JAZF1: variants seen among roughly 807,000 people sequenced by gnomAD.
The protein encoded by JAZF1 is juxtaposed with another zinc finger protein 1.
JAZF1 carries 8 observed loss-of-function variants against 26.4 expected under a neutral mutation model. The ratio of observed to expected loss-of-function variants is 0.30; its 90% CI spans 0.18 to 0.55. The LOEUF is 0.55. Among genes scored for constraint, JAZF1 ranks in the 20% least tolerant of loss-of-function variants. JAZF1 has a pLI of 0.94. For synonymous variants in JAZF1, 126 were observed against 122.3 expected (o/e 1.03, Z -0.20); for missense variants, 199 against 322.0 (o/e 0.62, Z 2.92).
chr7:27,972,306 C>T (rs1392267197), intron 2 of JAZF1, among the ~76,000 whole-genome samples: 1 of 152,218 alleles, frequency 6.6e-6, no homozygotes, highest in Non-Finnish European at 1.5e-5. Context: ...AGGACATGAA[C>T]TGTGTAAAGC....
chr7:28,134,829 T>C (rs1310124710), intron 1 of JAZF1, among the ~76,000 whole-genome samples: 1 of 152,216 alleles, frequency 6.6e-6, no homozygotes, highest in Non-Finnish European at 1.5e-5. Context: ...ATCTTCTATT[T>C]TGTATTAAGG....
At chr7:27,985,629 A>G (rs1047029122) in intron 2 of JAZF1, among the ~76,000 whole-genome samples, 4 of 152,228 alleles carry the variant, frequency 2.6e-5, no homozygotes, top group Non-Finnish European at 5.9e-5. Context: ...CTGATATCAA[A>G]GCCTGGCAGA....
intron 1 of JAZF1, among the ~76,000 whole-genome samples, chr7:28,168,974 T>C (rs545295461): frequency 2.6e-4 from 39 of 152,318 alleles, no homozygotes; most frequent in Admixed American, 7.2e-4. Context: ...ACCCAAGTGA[T>C]TGTGAATGGC....
intron 1 of JAZF1, among the ~76,000 whole-genome samples, chr7:28,152,675 C>T (rs541571649): frequency 1.3e-5 from 2 of 152,182 alleles, no homozygotes; most frequent in South Asian, 4.2e-4. Flanking sequence ...TCAGGAAATA[C>T]AAGAATAGTA....
In JAZF1 at chr7:28,012,751, G is replaced by A. The variant is rs76159040; in HGVS notation, c.116-20770C>T. ...ACCCACCACTACTGAGGGTTGAGAT[G>A]TGGACAGAGGTTGATGGACATGCAT... On this transcript the variant is annotated intron_variant, in intron 1 of 4. Coordinates refer to ENST00000283928, the MANE Select transcript of JAZF1 (RefSeq NM_175061.4). Among the ~76,000 whole-genome samples, 59 of 152,346 alleles carry A rather than the reference G, an allele frequency of 3.9e-4. No homozygotes were observed. In the East Asian group the frequency reaches 0.011, roughly 28 times the overall value.
chr7:27,988,266 G>T (rs960778767), intron 2 of JAZF1, among the ~76,000 whole-genome samples: 30 of 151,646 alleles, frequency 2.0e-4, no homozygotes, highest in African/African-American at 7.3e-4. Flanking sequence ...AATCCCTGTT[G>T]GATATTTAGG....
chr7:27,953,424 T>C (rs1342012908), intron 2 of JAZF1, among the ~76,000 whole-genome samples: 1 of 152,270 alleles, frequency 6.6e-6, no homozygotes, highest in Non-Finnish European at 1.5e-5. Context: ...AAATGTGCCA[T>C]ATTAGTTACC....
intron 3 of JAZF1, among the ~76,000 whole-genome samples, chr7:27,882,310 T>G (rs1349129342): frequency 6.6e-6 from 1 of 152,000 alleles, no homozygotes; most frequent in Non-Finnish European, 1.5e-5. Flanking sequence ...TTGGCTTGTT[T>G]TTTTTTTTTA....
At chr7:28,034,977 T>C (rs982848335) in intron 1 of JAZF1, among the ~76,000 whole-genome samples, 3 of 152,044 alleles carry the variant, frequency 2.0e-5, no homozygotes, top group Non-Finnish European at 4.4e-5. Flanking sequence ...AGCTAAGACA[T>C]GAAGGCTGAG....
chr7:27,909,500 A>G (rs1784323311), intron 2 of JAZF1, among the ~76,000 whole-genome samples: 1 of 152,138 alleles, frequency 6.6e-6, no homozygotes, highest in African/African-American at 2.4e-5. Context: ...TGAGGTCGGG[A>G]GTTCGAGACC....
chr7:28,061,706 C>T (rs557932171), intron 1 of JAZF1, among the ~76,000 whole-genome samples: 1 of 152,102 alleles, frequency 6.6e-6, no homozygotes. Context: ...AGTTTTCAGG[C>T]CCAGAATGGC....
In JAZF1 at chr7:27,970,109, A is replaced by G. The variant is rs577386655; in HGVS notation, c.188+21800T>C. On this transcript the variant is annotated intron_variant, in intron 2 of 4. Transcript: ENST00000283928. The stretch of plus-strand genomic sequence containing the variant: ...TGTAATAAACTAGACACCTGGAAGT[A>G]TCTGTGCAAGTTCTTTGTAAAATAG... Among the ~76,000 whole-genome samples the G allele has an allele frequency of 1.4e-4, 22 of 152,250 alleles. 1 individual carries two copies. The highest frequency in any genetic ancestry group is 5.1e-4 in the African/African-American group (21 of 41,568).
chr7:27,866,689 C>T (rs182048147), intron 3 of JAZF1, among the ~76,000 whole-genome samples: 1 of 152,284 alleles, frequency 6.6e-6, no homozygotes, highest in East Asian at 1.9e-4. Flanking sequence ...GAATTATCTG[C>T]CTATAATTAG....
At chr7:27,949,721 C>T (rs958062209) in intron 2 of JAZF1, among the ~76,000 whole-genome samples, 2 of 152,190 alleles carry the variant, frequency 1.3e-5, no homozygotes, top group Non-Finnish European at 2.9e-5. Flanking sequence ...CGAAATTGTG[C>T]CATTGCACTC....
At chr7:27,985,075 T>C (rs1394523917) in intron 2 of JAZF1, among the ~76,000 whole-genome samples, 1 of 152,102 alleles carries the variant, frequency 6.6e-6, no homozygotes, top group Non-Finnish European at 1.5e-5. Flanking sequence ...ATTCAAAAGC[T>C]AGCAGAAGAC....
chr7:27,885,333 C>CT (rs946432775), intron 3 of JAZF1, among the ~76,000 whole-genome samples: 3 of 152,368 alleles, frequency 2.0e-5, no homozygotes, highest in African/African-American at 7.2e-5. Flanking sequence ...TCTTAGTACT[C>CT]TGAGTCTCCA....
chr7:27,850,710 C>T (rs1288634868), intron 3 of JAZF1, among the ~76,000 whole-genome samples: 1 of 152,150 alleles, frequency 6.6e-6, no homozygotes, highest in African/African-American at 2.4e-5. Flanking sequence ...CCTGCTTAAA[C>T]CCTCTAGTGG....
intron 2 of JAZF1, among the ~76,000 whole-genome samples, chr7:27,990,291 G>T (rs184520345): frequency 1.3e-5 from 2 of 152,130 alleles, no homozygotes; most frequent in East Asian, 1.9e-4. Flanking sequence ...TCGCGAGGTG[G>T]GGGGAGGTGA....
At chr7:28,092,337 C>CAAAGTAGAGGA (rs1784316012) in intron 1 of JAZF1, among the ~76,000 whole-genome samples, 1 of 50,336 alleles carries the variant, frequency 2.0e-5, no homozygotes, top group African/African-American at 8.1e-5. Flanking sequence ...CAACTAATGT[C>CAAAGTAGAGGA]AAAGTAGAGG....
Sources: gnomAD v4.1 joint callset for allele counts (sites outside exome capture counted in the v4.1 genomes callset) on GRCh38, gnomAD v4.1.1 for gene constraint, MANE v1.5 for transcripts, NCBI Gene and HGNC (gene_info 2026-07-23, HGNC 2026-07-21) for gene names.